PABPC4L: variants seen among roughly 807,000 people sequenced by gnomAD.
PABPC4L encodes the protein poly(A) binding protein cytoplasmic 4 like.
For missense variants in PABPC4L, 452 were observed against 451.4 expected, an observed-to-expected ratio of 1.00 and a Z score of -0.01; for synonymous variants, 169 against 164.1, an observed-to-expected ratio of 1.03 and a Z score of -0.23.
the PABPC4L span, among the ~76,000 whole-genome samples, chr4:134,027,670 G>A: frequency 1.3e-5 from 2 of 152,088 alleles, no homozygotes; most frequent in East Asian, 3.9e-4. Context: ...TTTCTATGGT[G>A]ACTATACTCA....
At chr4:134,145,345 A>C in the PABPC4L span, among the ~76,000 whole-genome samples, 1 of 151,952 alleles carries the variant, frequency 6.6e-6, no homozygotes, top group Non-Finnish European at 1.5e-5. Context: ...TTGGGAAATA[A>C]AAACTATGAG....
At chr4:134,154,524 T>C in the PABPC4L span, among the ~76,000 whole-genome samples, 1 of 152,112 alleles carries the variant, frequency 6.6e-6, no homozygotes, top group African/African-American at 2.4e-5. Context: ...TTGCAGTTTA[T>C]TATATACCTA....
chr4:134,126,511 C>A, the PABPC4L span, among the ~76,000 whole-genome samples: 2 of 152,234 alleles, frequency 1.3e-5, no homozygotes, highest in Admixed American at 6.5e-5. Flanking sequence ...ATTAAAGAGA[C>A]CCTGTGGGAT....
the PABPC4L span, among the ~76,000 whole-genome samples, chr4:134,065,918 T>A: frequency 6.6e-6 from 1 of 151,954 alleles, no homozygotes; most frequent in Non-Finnish European, 1.5e-5. Context: ...TATCAGATGG[T>A]TATAGGTGTG....
chr4:134,077,219 G>A, the PABPC4L span, among the ~76,000 whole-genome samples: 1 of 152,094 alleles, frequency 6.6e-6, no homozygotes, highest in South Asian at 2.1e-4. Context: ...CTTCTGTACA[G>A]CTATGTATTC....
the PABPC4L span, among the ~76,000 whole-genome samples, chr4:134,044,759 A>G: frequency 6.6e-6 from 1 of 152,212 alleles, no homozygotes; most frequent in Non-Finnish European, 1.5e-5. Context: ...ACATATGTTA[A>G]TATTGCAAGT....
the PABPC4L span, among the ~76,000 whole-genome samples, chr4:133,985,125 G>A: frequency 6.6e-5 from 10 of 151,872 alleles, no homozygotes; most frequent in African/African-American, 1.4e-4. Flanking sequence ...ACTGACTCTG[G>A]TGTCAATATA....
the PABPC4L span, among the ~76,000 whole-genome samples, chr4:134,155,621 G>A: frequency 6.6e-6 from 1 of 151,880 alleles, no homozygotes; most frequent in South Asian, 2.1e-4. Flanking sequence ...TCCTCTAAGT[G>A]AATTACATAT....
At chr4:134,071,961 T>C in the PABPC4L span, among the ~76,000 whole-genome samples, 2 of 152,196 alleles carry the variant, frequency 1.3e-5, 1 homozygote, top group Non-Finnish European at 2.9e-5. Context: ...GATAAGAATG[T>C]TGAATGGACA....
chr4:134,089,758 A>G, the PABPC4L span, among the ~76,000 whole-genome samples: 3 of 151,952 alleles, frequency 2.0e-5, no homozygotes, highest in Non-Finnish European at 2.9e-5. Flanking sequence ...TTTTCTTTAT[A>G]TGTGGGTTCC....
the PABPC4L span, among the ~76,000 whole-genome samples, chr4:134,134,180 A>AT: frequency 4.5e-4 from 69 of 152,150 alleles, 1 homozygote; most frequent in East Asian, 0.012. Context: ...GAATCATCTG[A>AT]TTTTAAGTTC....
chr4:134,179,614 C>T, the PABPC4L span, among the ~76,000 whole-genome samples: 6 of 151,990 alleles, frequency 3.9e-5, no homozygotes, highest in African/African-American at 4.8e-5. Context: ...AAATGGGAAA[C>T]CAAACAGCAT....
At chr4:134,163,445 T>A in the PABPC4L span, among the ~76,000 whole-genome samples, 8 of 152,176 alleles carry the variant, frequency 5.3e-5, no homozygotes, top group Admixed American at 5.2e-4. Context: ...TTGGTATGAA[T>A]CCTACTGAAA....
the PABPC4L span, among the ~76,000 whole-genome samples, chr4:134,188,494 C>T: frequency 6.6e-6 from 1 of 152,076 alleles, no homozygotes; most frequent in South Asian, 2.1e-4. Flanking sequence ...GGTGTACTGG[C>T]AACAAATTCT....
chr4:134,016,592 G>A, the PABPC4L span, among the ~76,000 whole-genome samples: 5 of 151,976 alleles, frequency 3.3e-5, no homozygotes, highest in South Asian at 4.2e-4. Flanking sequence ...CTACTCCCCC[G>A]CTGAAACTTC....
At chr4:133,988,524 G>A in the PABPC4L span, among the ~76,000 whole-genome samples, 1 of 152,190 alleles carries the variant, frequency 6.6e-6, no homozygotes. Flanking sequence ...TTAACCCCAT[G>A]TCTCACATCC....
the PABPC4L span, among the ~76,000 whole-genome samples, chr4:134,056,797 G>A: frequency 6.6e-6 from 1 of 151,858 alleles, no homozygotes; most frequent in Non-Finnish European, 1.5e-5. Flanking sequence ...ATTCCTTGAT[G>A]TTTCCTATTG....
the PABPC4L span, among the ~76,000 whole-genome samples, chr4:134,091,471 A>T: frequency 2.0e-5 from 3 of 151,936 alleles, no homozygotes; most frequent in East Asian, 5.8e-4. Context: ...TTTCATCTCT[A>T]TTATCATCTC....
the PABPC4L span, among the ~76,000 whole-genome samples, chr4:134,179,089 C>T: frequency 6.6e-6 from 1 of 151,938 alleles, no homozygotes; most frequent in Non-Finnish European, 1.5e-5. Flanking sequence ...CCTCAAGTCA[C>T]ATAGTCATTA....
Sources: gnomAD v4.1 joint callset for allele counts (sites outside exome capture counted in the v4.1 genomes callset) on GRCh38, gnomAD v4.1.1 for gene constraint, MANE v1.5 for transcripts, NCBI Gene and HGNC (gene_info 2026-07-23, HGNC 2026-07-21) for gene names.